The following DENND5B variants were observed in gnomAD, a reference collection of about 807,000 sequenced individuals.
DENND5B encodes the protein DENN domain containing 5B.
DENND5B carries 34 observed loss-of-function variants against 140.6 expected under a neutral mutation model. That is an observed-to-expected ratio of 0.24 (90% CI 0.18 to 0.32). The LOEUF (loss-of-function observed/expected upper bound fraction) is 0.32, where lower values mean the gene tolerates loss of function less well. DENND5B is among the 10% of genes least tolerant of loss of function. The pLI is 1.00. For synonymous variants in DENND5B, 551 were observed against 562.1 expected, an observed-to-expected ratio of 0.98 and a Z score of 0.28; for missense variants, 1,142 against 1,560.2, an observed-to-expected ratio of 0.73 and a Z score of 4.52.
At chr12:31,510,867 T>C (rs565403541) in intron 1 of DENND5B, among the ~76,000 whole-genome samples, 1 of 152,296 alleles carries the variant, frequency 6.6e-6, no homozygotes, top group African/African-American at 2.4e-5. Flanking sequence ...TGTTTGGGAA[T>C]ATTTTAAAAA....
chr12:31,523,060 C>T (rs1187596310), intron 1 of DENND5B, among the ~76,000 whole-genome samples: 10 of 139,446 alleles, frequency 7.2e-5, no homozygotes, highest in East Asian at 2.1e-4. Flanking sequence ...TTTTTTTTTC[C>T]TTTTTTTTTT....
intron 17 of DENND5B, among the ~76,000 whole-genome samples, chr12:31,395,261 T>C (rs892918380): frequency 2.0e-5 from 3 of 152,218 alleles, no homozygotes; most frequent in Non-Finnish European, 4.4e-5. Context: ...GCATGAGCTT[T>C]CTGTTACTCC....
chr12:31,449,529 CT>C (rs1944415097), intron 5 of DENND5B, among the ~76,000 whole-genome samples: 3 of 152,170 alleles, frequency 2.0e-5, no homozygotes, highest in African/African-American at 7.2e-5. Context: ...CTAGTATGTC[CT>C]GCAGATTTTC....
At chr12:31,557,999 G>A (rs1219469202) in intron 1 of DENND5B, among the ~76,000 whole-genome samples, 1 of 152,022 alleles carries the variant, frequency 6.6e-6, no homozygotes, top group Non-Finnish European at 1.5e-5. Flanking sequence ...GCTCCGGTGA[G>A]CTATGATCTC....
chr12:31,543,828 C>A (rs1296575658), intron 1 of DENND5B, among the ~76,000 whole-genome samples: 1 of 152,194 alleles, frequency 6.6e-6, no homozygotes, highest in Admixed American at 6.6e-5. Context: ...ACATCTCTAT[C>A]TACTCTCTAT....
intron 15 of DENND5B, among the ~76,000 whole-genome samples, chr12:31,400,810 A>AT (rs913452674): frequency 2.8e-5 from 4 of 141,078 alleles, no homozygotes; most frequent in African/African-American, 1.0e-4. Context: ...TATTCACTCT[A>AT]TTTTTTTGTA....
chr12:31,441,702 T>C (rs897135909), intron 7 of DENND5B, among the ~76,000 whole-genome samples: 1 of 152,050 alleles, frequency 6.6e-6, no homozygotes, highest in Non-Finnish European at 1.5e-5. Context: ...TTAATACTAT[T>C]TTTATTTTTT....
At chr12:31,451,638 T>C (rs1944531266) in intron 5 of DENND5B, 2 of 306,256 alleles carry the variant, frequency 6.5e-6, no homozygotes, top group Non-Finnish European at 1.2e-5. Flanking sequence ...TTCTATAATT[T>C]AAGCATCTTT....
At chr12:31,424,827 CTT>C in intron 9 of DENND5B, 140 bp from the exon 10 acceptor site, 1 of 1,126,150 alleles carries the variant, frequency 8.9e-7, no homozygotes, top group Non-Finnish European at 1.3e-6. Flanking sequence ...AAAAAAATCT[CTT>C]AATCTTGATG....
At chr12:31,534,811 G>T in intron 1 of DENND5B, 1 of 454,900 alleles carries the variant, frequency 2.2e-6, no homozygotes, top group South Asian at 1.7e-5. Context: ...TTTCTTTGAA[G>T]TTGTTTTTCA....
At chr12:31,425,736 G>C (rs771781957) in intron 9 of DENND5B, among the ~76,000 whole-genome samples, 4 of 152,164 alleles carry the variant, frequency 2.6e-5, no homozygotes, top group African/African-American at 4.8e-5. Flanking sequence ...TGAATATGCA[G>C]AGAAGGTACT....
chr12:31,518,469 C>T (rs1947758622), intron 1 of DENND5B, among the ~76,000 whole-genome samples: 1 of 152,120 alleles, frequency 6.6e-6, no homozygotes, highest in African/African-American at 2.4e-5. Flanking sequence ...TACCCTTGTG[C>T]CAGGACCAGG....
At position 31,542,542 on chromosome 12, in the gene DENND5B, T is replaced by C. The variant is rs117777923; in HGVS notation, c.128-46623A>G. On this transcript the variant is annotated intron_variant, in intron 1 of 20. Transcript: ENST00000389082. ...TGTTTGTAACACAAATGATAAATGC[T>C]TGAGGGGATGGATACCTCATCTTCC... Among the ~76,000 whole-genome samples, 749 of 152,324 alleles carry C rather than the reference T, an allele frequency of 4.9e-3. 5 individuals are homozygous for C. The highest frequency in any genetic ancestry group is 0.01 in the Middle Eastern group (3 of 294).
intron 1 of DENND5B, among the ~76,000 whole-genome samples, chr12:31,527,654 T>C (rs1356591139): frequency 2.0e-5 from 3 of 152,234 alleles, no homozygotes; most frequent in African/African-American, 7.2e-5. Context: ...GGCCCACACC[T>C]GTAATCCCAG....
intron 1 of DENND5B, among the ~76,000 whole-genome samples, chr12:31,561,734 C>A (rs549103803): frequency 7.2e-5 from 11 of 152,224 alleles, no homozygotes; most frequent in African/African-American, 2.6e-4. Flanking sequence ...ATACATTGAG[C>A]GCCTACTATT....
chr12:31,457,130 C>A (rs1024755819), intron 4 of DENND5B, among the ~76,000 whole-genome samples: 1 of 152,194 alleles, frequency 6.6e-6, no homozygotes, highest in Admixed American at 6.5e-5. Context: ...ATGACAAGAA[C>A]AAAGTTGCAA....
intron 3 of DENND5B, among the ~76,000 whole-genome samples, chr12:31,462,185 C>T (rs1945048804): frequency 6.6e-6 from 1 of 152,108 alleles, no homozygotes; most frequent in Non-Finnish European, 1.5e-5. Context: ...TGGATACACA[C>T]ATTTTACAGC....
rs1370204684 is a variant in DENND5B, at chr12:31,452,306, C to A, written c.1263G>T (p.Lys421Asn). 2 of 1,613,938 alleles carry A rather than the reference C, an allele frequency of 1.2e-6. No homozygotes were observed. Among genetic ancestry groups the A allele is most frequent in the Non-Finnish European group, 1.7e-6 (2 of 1,179,892 alleles). ...TGACCAAGTCTTTCAGAACCATATT[C>A]TTCAGTTTGCTGGTACTCTCACTGC... ...LHCSESTSKL[K>N]NMVLKDLVND... The change falls in exon 5 of 21, where the codon AAG (lysine) becomes AAT (asparagine). Residue 421 changes from lysine (K) to asparagine (N), a missense_variant. Coordinates refer to ENST00000389082, the MANE Select transcript of DENND5B (RefSeq NM_144973.4).
At chr12:31,395,517 T>G (rs1941392179) in intron 17 of DENND5B, among the ~76,000 whole-genome samples, 1 of 152,098 alleles carries the variant, frequency 6.6e-6, no homozygotes, top group Non-Finnish European at 1.5e-5. Flanking sequence ...CGCTTGAACC[T>G]GGGAAGCGGA....
Sources: gnomAD v4.1 joint callset for allele counts (sites outside exome capture counted in the v4.1 genomes callset) on GRCh38, gnomAD v4.1.1 for gene constraint, MANE v1.5 for transcripts, NCBI Gene and HGNC (gene_info 2026-07-23, HGNC 2026-07-21) for gene names.